CCDC125: variants seen among roughly 807,000 people sequenced by gnomAD.
CCDC125 encodes coiled-coil domain-containing protein 125.
In CCDC125, 43 loss-of-function variants were observed where a neutral mutation model predicts 57.4. The observed-to-expected ratio is 0.75, with a 90% CI of 0.59 to 0.97. CCDC125 has a LOEUF of 0.97. Among genes scored for constraint, CCDC125 ranks in the 50% least tolerant of loss-of-function variants. The pLI is 0.00. For synonymous variants in CCDC125, 187 were observed against 195.2 expected, an observed-to-expected ratio of 0.96 and a Z score of 0.35; for missense variants, 563 against 595.7, an observed-to-expected ratio of 0.95 and a Z score of 0.57.
intron 2 of CCDC125, among the ~76,000 whole-genome samples, chr5:69,314,956 T>A (rs1180994113): frequency 6.6e-6 from 1 of 152,094 alleles, no homozygotes; most frequent in Non-Finnish European, 1.5e-5. Context: ...GTGGTATAAA[T>A]ATGTAAGAAA....
Position 69,306,781 on chromosome 5 carries a change from G to A in CCDC125, c.617+36C>T, listed in dbSNP as rs758760062. 4 of 1,364,994 alleles carry A rather than the reference G, an allele frequency of 2.9e-6. No homozygotes were observed. The African/African-American group carries it at 6.0e-5, about 20-fold the overall frequency. The allele number at this position is 1,364,994 out of a possible 1,614,324, so 84.6% of individuals were successfully genotyped here. Reference sequence around the variant, plus strand: ...ACTTTTGAATTACATAGATTTTAAAGGTTGTCAAAGAAAAATAATGGAGTA... The same window carrying A: ...ACTTTTGAATTACATAGATTTTAAAAGTTGTCAAAGAAAAATAATGGAGTA... On this transcript the variant is annotated intron_variant, in intron 6 of 11. Coordinates refer to ENST00000396496, the MANE Select transcript of CCDC125 (RefSeq NM_176816.5).
intron 2 of CCDC125, among the ~76,000 whole-genome samples, chr5:69,317,512 C>T (rs1759315724): frequency 6.6e-6 from 1 of 152,156 alleles, no homozygotes; most frequent in Non-Finnish European, 1.5e-5. Flanking sequence ...AAATCTGAAA[C>T]CATGTTTCTT....
intron 6 of CCDC125, among the ~76,000 whole-genome samples, chr5:69,305,916 G>A (rs948255718): frequency 2.0e-5 from 3 of 152,116 alleles, no homozygotes; most frequent in Admixed American, 6.6e-5. Flanking sequence ...TTGGGGCCAC[G>A]ATAGGATTGT....
intron 1 of CCDC125, among the ~76,000 whole-genome samples, chr5:69,321,583 G>A (rs1276914624): frequency 6.6e-6 from 1 of 152,204 alleles, no homozygotes; most frequent in Non-Finnish European, 1.5e-5. Flanking sequence ...TTACACATGG[G>A]TCAATATTTG....
chr5:69,315,792 A>C (rs1444769489), intron 2 of CCDC125, among the ~76,000 whole-genome samples: 1 of 151,488 alleles, frequency 6.6e-6, no homozygotes, highest in East Asian at 1.9e-4. Flanking sequence ...ACCAAAAAAA[A>C]ACCTAAATTT....
At chr5:69,312,514 T>G (rs1392773107) in intron 3 of CCDC125, among the ~76,000 whole-genome samples, 1 of 152,188 alleles carries the variant, frequency 6.6e-6, no homozygotes, top group Non-Finnish European at 1.5e-5. Flanking sequence ...ACCAAGGCAG[T>G]GGGCTACTCA....
At chr5:69,329,480 G>C (rs936715050) in intron 1 of CCDC125, among the ~76,000 whole-genome samples, 2 of 148,012 alleles carry the variant, frequency 1.4e-5, no homozygotes, top group Non-Finnish European at 3.0e-5. Flanking sequence ...GAGCCACCAT[G>C]CCCAGCCAGG....
intron 10 of CCDC125, among the ~76,000 whole-genome samples, chr5:69,289,718 C>T (rs917748088): frequency 3.3e-5 from 5 of 151,852 alleles, no homozygotes; most frequent in Non-Finnish European, 7.4e-5. Flanking sequence ...CAAAATTTAG[C>T]CTGGCATGGT....
intron 1 of CCDC125, among the ~76,000 whole-genome samples, chr5:69,321,444 C>T (rs897129946): frequency 6.6e-6 from 1 of 152,302 alleles, no homozygotes; most frequent in East Asian, 1.9e-4. Context: ...TGTGTGAACA[C>T]CATAGAGCAT....
chr5:69,285,181 T>C (rs1579941184), intron 11 of CCDC125, among the ~76,000 whole-genome samples, 156 bp downstream of exon 11: 1 of 151,958 alleles, frequency 6.6e-6, no homozygotes, highest in South Asian at 2.1e-4. Context: ...AAAAAATATA[T>C]ATATATATCA....
At chr5:69,321,801 C>G (rs77633281) in intron 1 of CCDC125, among the ~76,000 whole-genome samples, 1 of 152,236 alleles carries the variant, frequency 6.6e-6, no homozygotes, top group East Asian at 1.9e-4. Flanking sequence ...CATAAATGCC[C>G]TTGCAATCCA....
At chr5:69,330,991 C>G (rs1408172276) in intron 1 of CCDC125, among the ~76,000 whole-genome samples, 1 of 151,926 alleles carries the variant, frequency 6.6e-6, no homozygotes, top group African/African-American at 2.4e-5. Context: ...TAGTCAATGT[C>G]ACCCTGTTTT....
chr5:69,285,340 A>G lies in CCDC125; in HGVS notation c.1227T>C (p.Asp409=). Residue 409 remains aspartate (D), a synonymous_variant, in exon 11 of 12, where the codon GAT becomes GAC. Transcript: ENST00000396496. ...SPQEVLKMLI[D]LLNDKEEALA... is the part of the protein sequence containing the mutation. ...AAAAAAAAGCAAAGACACTAACCAA[A>G]TCTATGAGCATCTTAAGGACCTCTT... 1 of 1,608,808 alleles carries G rather than the reference A, an allele frequency of 6.2e-7. No homozygotes were observed. Among genetic ancestry groups the G allele is most frequent in the East Asian group, 2.2e-5 (1 of 44,756 alleles).
chr5:69,314,192 C>T (rs947957730), intron 2 of CCDC125, 146 bp from the exon 3 acceptor site: 7 of 597,022 alleles, frequency 1.2e-5, no homozygotes, highest in Admixed American at 2.8e-5. Flanking sequence ...ACACCAGGTG[C>T]GGTGGCTCAC....
At chr5:69,276,833 G>A, downstream of CCDC125, 1 of 789,980 alleles carries the variant, frequency 1.3e-6, no homozygotes, top group Non-Finnish European at 2.0e-6. Flanking sequence ...AAAGTAGAGA[G>A]ACTGTGCCGT....
intron 4 of CCDC125, 91 bp from the exon 5 acceptor site, chr5:69,308,119 A>G (rs1190166325): frequency 2.2e-6 from 2 of 899,344 alleles, no homozygotes; most frequent in Admixed American, 3.9e-5. Context: ...AAGGCAATGG[A>G]AAATTAAGAT....
chr5:69,320,078 G>A (rs189508195), intron 2 of CCDC125, among the ~76,000 whole-genome samples, 159 bp downstream of exon 2: 49 of 152,138 alleles, frequency 3.2e-4, no homozygotes, highest in African/African-American at 1.1e-3. Context: ...CCGAGATCGC[G>A]TGCCACTGCA....
At chr5:69,295,831 C>T (rs752450432) in intron 8 of CCDC125, among the ~76,000 whole-genome samples, 1 of 152,052 alleles carries the variant, frequency 6.6e-6, no homozygotes, top group Non-Finnish European at 1.5e-5. Flanking sequence ...CCATACTTCC[C>T]TAAACATTGT....
rs371146327 is a variant in CCDC125, at chr5:69,306,920, T to A, written c.532-18A>T. 76 of 1,478,520 alleles carry A rather than the reference T, an allele frequency of 5.1e-5. No homozygotes were observed. Among genetic ancestry groups the A allele is most frequent in the Non-Finnish European group, 5.6e-5 (63 of 1,116,882 alleles). The allele number at this position is 1,478,520 out of a possible 1,614,324, so 91.6% of individuals were successfully genotyped here. A position where few individuals can be genotyped will look rare whatever the true frequency, so the allele number is the denominator to read the frequency against. On this transcript the variant is annotated intron_variant, in intron 5 of 11. Coordinates refer to ENST00000396496, the MANE Select transcript of CCDC125 (RefSeq NM_176816.5). ...TTTATTTCCTATGGAAAGAAAATAG[T>A]ACCTTCATGGCAAATTACTACAAAT...
Sources: gnomAD v4.1 joint callset for allele counts (sites outside exome capture counted in the v4.1 genomes callset) on GRCh38, gnomAD v4.1.1 for gene constraint, MANE v1.5 for transcripts, NCBI Gene and HGNC (gene_info 2026-07-23, HGNC 2026-07-21) for gene names.